Variants in KCNMB2 observed in about 807,000 individuals in gnomAD.
KCNMB2 encodes the protein calcium-activated potassium channel subunit beta-2.
A neutral mutation model predicts 24.5 loss-of-function variants in KCNMB2; 9 were observed. The observed-to-expected ratio is 0.37, with a 90% CI of 0.22 to 0.64. The LOEUF is 0.64. KCNMB2 is among the 30% of genes least tolerant of loss of function. The probability of loss-of-function intolerance (pLI) is 0.63; values close to 1 mark genes in which losing one functional copy is unlikely to be tolerated. For missense variants in KCNMB2, 226 were observed against 284.3 expected, an observed-to-expected ratio of 0.79 and a Z score of 1.47; for synonymous variants, 109 against 104.4, an observed-to-expected ratio of 1.04 and a Z score of -0.27.
At chr3:178,712,448 C>A (rs1248073634) in intron 1 of KCNMB2, among the ~76,000 whole-genome samples, 2 of 152,172 alleles carry the variant, frequency 1.3e-5, no homozygotes, top group Non-Finnish European at 2.9e-5. Flanking sequence ...CAGGTGCCAG[C>A]CGAGAGTCTG....
intron 1 of KCNMB2, among the ~76,000 whole-genome samples, chr3:178,577,155 C>G (rs1717025210): frequency 6.6e-6 from 1 of 152,166 alleles, no homozygotes; most frequent in Non-Finnish European, 1.5e-5. Flanking sequence ...TGGGACAAAG[C>G]TTCCAAAGGA....
At chr3:178,823,515 T>C (rs1577215759) in intron 2 of KCNMB2, among the ~76,000 whole-genome samples, 1 of 152,172 alleles carries the variant, frequency 6.6e-6, no homozygotes, top group East Asian at 1.9e-4. Flanking sequence ...AACTTTAAAA[T>C]AATAATAAGA....
At chr3:178,608,178 G>T (rs1372523048) in intron 1 of KCNMB2, among the ~76,000 whole-genome samples, 1 of 152,132 alleles carries the variant, frequency 6.6e-6, no homozygotes, top group Non-Finnish European at 1.5e-5. Context: ...GAATGCTTTG[G>T]AGAAAAACTG....
chr3:178,570,700 G>T (rs1049671146), intron 1 of KCNMB2, among the ~76,000 whole-genome samples: 2 of 152,064 alleles, frequency 1.3e-5, no homozygotes, highest in African/African-American at 2.4e-5. Flanking sequence ...GGAGCAGAAG[G>T]CACCAGCTAA....
intron 4 of KCNMB2, among the ~76,000 whole-genome samples, chr3:178,830,133 T>C (rs1421421322): frequency 2.0e-5 from 3 of 152,186 alleles, no homozygotes; most frequent in African/African-American, 2.4e-5. Context: ...TGTACTTTTA[T>C]CACCTAAGGA....
chr3:178,759,936 CTATATATATATATATCCAAGAGGA>C (rs1560009935), intron 1 of KCNMB2, among the ~76,000 whole-genome samples: 38 of 828 alleles, frequency 0.046, 4 homozygotes, highest in South Asian at 0.1. Context: ...GAGGATATAT[CTATATATATATATATCCAAGAGGA>C]TATATATATA....
At chr3:178,729,299 C>A (rs6763051) in intron 1 of KCNMB2, 1 of 151,782 alleles carries the variant, frequency 6.6e-6, no homozygotes, top group Non-Finnish European at 1.5e-5. Flanking sequence ...CTGGGCTGTG[C>A]TTCATGTACC....
intron 1 of KCNMB2, among the ~76,000 whole-genome samples, chr3:178,758,370 A>ATC (rs1322756976): frequency 8.9e-5 from 2 of 22,470 alleles, no homozygotes; most frequent in Non-Finnish European, 1.3e-4. Flanking sequence ...ATATATATAT[A>ATC]TCTCCAAGAG....
At chr3:178,683,524 C>A (rs74909988) in intron 1 of KCNMB2, among the ~76,000 whole-genome samples, 2,952 of 152,252 alleles carry the variant, frequency 0.019, 104 homozygotes, top group African/African-American at 0.068. Context: ...CATGTAATCA[C>A]ATAGAAATTA....
At chr3:178,824,777 C>T (rs1714772012) in intron 2 of KCNMB2, 1 of 152,176 alleles carries the variant, frequency 6.6e-6, no homozygotes, top group Non-Finnish European at 1.5e-5. Flanking sequence ...GACTGGGGAT[C>T]AGAAAGACTA....
chr3:178,571,633 T>C (rs1045972374), intron 1 of KCNMB2, among the ~76,000 whole-genome samples: 1 of 151,594 alleles, frequency 6.6e-6, no homozygotes, highest in Admixed American at 6.6e-5. Flanking sequence ...GTCATCTAGG[T>C]TTTAAGCCCC....
chr3:178,805,175 A>G (rs1434772295), intron 1 of KCNMB2, among the ~76,000 whole-genome samples: 1 of 152,192 alleles, frequency 6.6e-6, no homozygotes, highest in African/African-American at 2.4e-5. Flanking sequence ...TGTACTGGTT[A>G]CTAAACTCTC....
At chr3:178,549,560 C>T (rs1715880575) in intron 1 of KCNMB2, among the ~76,000 whole-genome samples, 1 of 148,608 alleles carries the variant, frequency 6.7e-6, no homozygotes, top group South Asian at 2.1e-4. Flanking sequence ...TGCCTGACCT[C>T]AGGTGATCCG....
chr3:178,809,586 G>C (rs1714106266), intron 2 of KCNMB2, among the ~76,000 whole-genome samples: 1 of 152,136 alleles, frequency 6.6e-6, no homozygotes, highest in Non-Finnish European at 1.5e-5. Flanking sequence ...TACCTGCCCA[G>C]GCTCTTGTCA....
At chr3:178,631,500 T>A (rs1719318430) in intron 1 of KCNMB2, among the ~76,000 whole-genome samples, 1 of 152,258 alleles carries the variant, frequency 6.6e-6, no homozygotes, top group African/African-American at 2.4e-5. Flanking sequence ...CATTCCTTAA[T>A]TCCCTTTTGC....
chr3:178,592,583 G>C (rs752169296), intron 1 of KCNMB2, among the ~76,000 whole-genome samples: 7 of 152,140 alleles, frequency 4.6e-5, no homozygotes, highest in Non-Finnish European at 8.8e-5. Context: ...TGTGTGCTAT[G>C]TGTGTTTTCC....
At chr3:178,653,022 TAATTA>T (rs951379608) in intron 1 of KCNMB2, among the ~76,000 whole-genome samples, 4 of 152,194 alleles carry the variant, frequency 2.6e-5, no homozygotes, top group African/African-American at 9.6e-5. Flanking sequence ...GCTGGTATTT[TAATTA>T]AATTTATATC....
intron 2 of KCNMB2, among the ~76,000 whole-genome samples, chr3:178,811,651 C>T (rs1440764505): frequency 6.6e-6 from 1 of 152,176 alleles, no homozygotes; most frequent in East Asian, 1.9e-4. Flanking sequence ...GTTCTTTTGT[C>T]ATTGCCAACA....
chr3:178,553,641 A>T lies in KCNMB2; in HGVS notation c.-68+16930A>T, dbSNP rs1167974885. ...TCATTTCGTCTCCTGGTTTCAAGTG[A>T]TTCTCTTGCCTCATCACTCCCAGGG... is the stretch of plus-strand genomic sequence containing the variant. On this transcript the variant is annotated intron_variant, in intron 1 of 4. Coordinates refer to ENST00000452583, the MANE Select transcript of KCNMB2 (RefSeq NM_181361.3). Among the ~76,000 whole-genome samples the T allele has an allele frequency of 2.7e-5, 4 of 150,932 alleles. No homozygotes were observed. In the East Asian group the frequency reaches 5.9e-4, roughly 22 times the overall value.
Sources: gnomAD v4.1 joint callset for allele counts (sites outside exome capture counted in the v4.1 genomes callset) on GRCh38, gnomAD v4.1.1 for gene constraint, MANE v1.5 for transcripts, NCBI Gene and HGNC (gene_info 2026-07-23, HGNC 2026-07-21) for gene names.